TNIK: variants seen among roughly 807,000 people sequenced by gnomAD.
TNIK encodes TRAF2 and NCK interacting kinase.
In TNIK, 49 loss-of-function variants were observed where a neutral mutation model predicts 191.3. That is an observed-to-expected ratio of 0.26 (90% CI 0.20 to 0.32). The LOEUF is 0.32. Among genes scored for constraint, TNIK ranks in the 10% least tolerant of loss-of-function variants. The probability of loss-of-function intolerance (pLI) is 1.00; values close to 1 mark genes in which losing one functional copy is unlikely to be tolerated. For missense variants in TNIK, 1,155 were observed against 1,702.3 expected, an observed-to-expected ratio of 0.68 and a Z score of 5.66; for synonymous variants, 594 against 600.9, an observed-to-expected ratio of 0.99 and a Z score of 0.17.
At chr3:171,131,337 C>CAAAAAAAAAAAAAAA (rs61728094) in intron 15 of TNIK, among the ~76,000 whole-genome samples, 3 of 23,164 alleles carry the variant, frequency 1.3e-4, no homozygotes, top group Non-Finnish European at 2.2e-4. Context: ...GACTCCGTCT[C>CAAAAAAAAAAAAAAA]AAAAAAAAAA....
chr3:171,115,250 G>A (rs956821280), intron 18 of TNIK, among the ~76,000 whole-genome samples: 2 of 152,222 alleles, frequency 1.3e-5, no homozygotes, highest in Non-Finnish European at 2.9e-5. Context: ...TGGTGTGGTA[G>A]CAGGATAGAG....
At chr3:171,193,243 T>C (rs987565907) in intron 5 of TNIK, among the ~76,000 whole-genome samples, 8 of 152,234 alleles carry the variant, frequency 5.3e-5, no homozygotes, top group Non-Finnish European at 1.2e-4. Flanking sequence ...ACTGGTAGCA[T>C]AAATTCTCCA....
chr3:171,192,159 G>A (rs1738140606), intron 5 of TNIK, among the ~76,000 whole-genome samples: 1 of 152,248 alleles, frequency 6.6e-6, no homozygotes, highest in African/African-American at 2.4e-5. Context: ...AGAAGGGTTT[G>A]AGGCACTGGT....
chr3:171,225,907 T>C (rs1021035337), intron 3 of TNIK, among the ~76,000 whole-genome samples: 1 of 152,194 alleles, frequency 6.6e-6, no homozygotes, highest in African/African-American at 2.4e-5. Context: ...CCATTAATTG[T>C]TAAACTGCCA....
At chr3:171,327,987 C>A (rs554158360) in intron 2 of TNIK, among the ~76,000 whole-genome samples, 2 of 146,096 alleles carry the variant, frequency 1.4e-5, no homozygotes, top group East Asian at 4.5e-4. Flanking sequence ...GAATCAGAAT[C>A]TCCAAGACTC....
chr3:171,290,528 C>T (rs767312445), intron 2 of TNIK, among the ~76,000 whole-genome samples: 5 of 152,160 alleles, frequency 3.3e-5, no homozygotes, highest in African/African-American at 2.4e-5. Context: ...TATTATATGT[C>T]AAAATGAATT....
At chr3:171,445,819 C>T (rs79899358) in intron 1 of TNIK, among the ~76,000 whole-genome samples, 11,424 of 152,208 alleles carry the variant, frequency 0.075, 456 homozygotes, top group South Asian at 0.12. Flanking sequence ...ATTACTAAAC[C>T]ACAATGCGTA....
chr3:171,120,374 G>A (rs902543540), intron 18 of TNIK, among the ~76,000 whole-genome samples: 5 of 148,634 alleles, frequency 3.4e-5, no homozygotes, highest in African/African-American at 1.3e-4. Flanking sequence ...AGGCTGGAGT[G>A]CAGGGGTGTG....
intron 21 of TNIK, among the ~76,000 whole-genome samples, chr3:171,105,077 TTAA>T (rs1427521608): frequency 6.7e-6 from 1 of 149,814 alleles, no homozygotes; most frequent in Non-Finnish European, 1.5e-5. Flanking sequence ...CTCCCCCAAA[TTAA>T]TTTTTATAAA....
At chr3:171,392,296 G>C (rs1200855614) in intron 1 of TNIK, among the ~76,000 whole-genome samples, 1 of 152,076 alleles carries the variant, frequency 6.6e-6, no homozygotes, top group Non-Finnish European at 1.5e-5. Context: ...ATATTGAAAA[G>C]GGTGATTCCA....
chr3:171,410,567 C>T (rs549354953), intron 1 of TNIK, among the ~76,000 whole-genome samples: 1 of 152,120 alleles, frequency 6.6e-6, no homozygotes, highest in East Asian at 1.9e-4. Context: ...ATCACAAGGT[C>T]AGGAGATCGA....
intron 2 of TNIK, among the ~76,000 whole-genome samples, chr3:171,285,922 G>A (rs6770856): frequency 0.022 from 3,406 of 152,262 alleles, 117 homozygotes; most frequent in African/African-American, 0.076. Flanking sequence ...AAATCACTTC[G>A]GGGCAAATTG....
chr3:171,352,225 C>T (rs751664209), intron 2 of TNIK, among the ~76,000 whole-genome samples: 8 of 152,298 alleles, frequency 5.3e-5, no homozygotes, highest in Middle Eastern at 3.4e-3. Context: ...TTGAAAGGTT[C>T]ATCCTGGGTT....
At chr3:171,085,016 A>G (rs1211996304) in intron 25 of TNIK, 102 bp downstream of exon 25, 4 of 810,846 alleles carry the variant, frequency 4.9e-6, no homozygotes, top group Non-Finnish European at 5.7e-6. Flanking sequence ...GGACCTAAGC[A>G]GTAATCAGCT....
chr3:171,243,833 A>C (rs889712557), intron 2 of TNIK, among the ~76,000 whole-genome samples: 2 of 152,184 alleles, frequency 1.3e-5, no homozygotes, highest in Non-Finnish European at 2.9e-5. Flanking sequence ...GGGGGAAGAC[A>C]CCACTAAAAG....
chr3:171,324,553 G>A (rs1290819151), intron 2 of TNIK, among the ~76,000 whole-genome samples: 2 of 152,064 alleles, frequency 1.3e-5, no homozygotes, highest in Non-Finnish European at 2.9e-5. Context: ...CGAGGGTCAG[G>A]TGTTCTTGTT....
chr3:171,076,744 C>T (rs1036368490), intron 28 of TNIK, among the ~76,000 whole-genome samples: 4 of 152,188 alleles, frequency 2.6e-5, no homozygotes, highest in South Asian at 2.1e-4. Flanking sequence ...TAAAAACAAC[C>T]GCTTGCAACT....
intron 2 of TNIK, among the ~76,000 whole-genome samples, chr3:171,310,231 C>T (rs1209918463): frequency 6.6e-6 from 1 of 152,078 alleles, no homozygotes; most frequent in African/African-American, 2.4e-5. Flanking sequence ...AAGCTATGGA[C>T]TTGTCTGGAC....
intron 2 of TNIK, among the ~76,000 whole-genome samples, chr3:171,313,079 C>T (rs889115583): frequency 2.0e-5 from 3 of 151,676 alleles, no homozygotes; most frequent in African/African-American, 4.8e-5. Flanking sequence ...GTTTTGAAAA[C>T]GAAGGAAGAA....
Sources: allele counts gnomAD v4.1 joint callset (sites outside exome capture counted in the v4.1 genomes callset), GRCh38; gene constraint gnomAD v4.1.1; transcripts MANE v1.5; gene names NCBI Gene and HGNC (gene_info 2026-07-23, HGNC 2026-07-21).